The following DEPTOR variants were observed in gnomAD, a reference collection of about 807,000 sequenced individuals.
DEPTOR encodes DEP domain containing MTOR interacting protein, also known as DEP domain-containing mTOR-interacting protein.
In DEPTOR, 41 loss-of-function variants were observed where a neutral mutation model predicts 41.6. The ratio of observed to expected loss-of-function variants is 0.98; its 90% CI spans 0.77 to 1.28. DEPTOR has a LOEUF of 1.28. Ranked by LOEUF, DEPTOR falls within the 50% of genes most tolerant of loss-of-function variation. The probability of loss-of-function intolerance (pLI) is 0.00; values close to 1 mark genes in which losing one functional copy is unlikely to be tolerated. For missense variants in DEPTOR, 514 were observed against 527.9 expected (o/e 0.97, Z 0.26); for synonymous variants, 195 against 192.3 (o/e 1.01, Z -0.12).
At chr8:120,025,980 C>A (rs1313617817) in intron 8 of DEPTOR, among the ~76,000 whole-genome samples, 1 of 116,622 alleles carries the variant, frequency 8.6e-6, no homozygotes, top group African/African-American at 3.2e-5. Context: ...TCTCTTAGGA[C>A]TTTTGATTTT....
At chr8:120,017,036 G>A (rs748319189) in intron 8 of DEPTOR, among the ~76,000 whole-genome samples, 3 of 152,198 alleles carry the variant, frequency 2.0e-5, no homozygotes, top group Admixed American at 1.3e-4. Flanking sequence ...TGTTCTCAAC[G>A]GCTGTCTAAA....
intron 1 of DEPTOR, among the ~76,000 whole-genome samples, chr8:119,893,992 A>G (rs1474993363): frequency 1.3e-5 from 2 of 152,182 alleles, no homozygotes; most frequent in Non-Finnish European, 2.9e-5. Context: ...AACGGGATCT[A>G]TATACTTTTG....
intron 3 of DEPTOR, 144 bp from the exon 4 acceptor site, chr8:119,965,088 G>T: frequency 1.1e-6 from 1 of 912,646 alleles, no homozygotes; most frequent in Non-Finnish European, 1.6e-6. Context: ...AAAGAAAAAA[G>T]AAATTACATG....
intron 8 of DEPTOR, among the ~76,000 whole-genome samples, chr8:120,042,542 G>A (rs1296922251): frequency 1.3e-5 from 2 of 152,028 alleles, no homozygotes; most frequent in Non-Finnish European, 2.9e-5. Flanking sequence ...TTTTGAGACC[G>A]AGTTTTGCTC....
intron 3 of DEPTOR, among the ~76,000 whole-genome samples, chr8:119,945,614 T>C (rs922987390): frequency 6.6e-6 from 1 of 152,218 alleles, no homozygotes; most frequent in East Asian, 1.9e-4. Context: ...AATAAAAAAG[T>C]TAAATTCCTT....
chr8:119,943,869 G>A (rs911936785), intron 3 of DEPTOR, among the ~76,000 whole-genome samples: 3 of 151,922 alleles, frequency 2.0e-5, no homozygotes, highest in South Asian at 4.2e-4. Flanking sequence ...ACGGAGTCTC[G>A]TTTTGTTGCC....
At position 120,050,296 on chromosome 8, in the gene DEPTOR, T is replaced by C. The variant is rs1023730985; in HGVS notation, c.*592T>C. ...TGTCAACTTTTAAGTTAATACAGGT[T>C]TCAATTGTGGCATTAGGAAAAAAAA... On this transcript the variant is annotated 3_prime_UTR_variant, in exon 9 of 9. Coordinates refer to ENST00000286234, the MANE Select transcript of DEPTOR (RefSeq NM_022783.4). The C allele has an allele frequency of 1.3e-5, 2 of 148,710 alleles. No homozygotes were observed. The highest frequency in any genetic ancestry group is 3.0e-5 in the Non-Finnish European group (2 of 67,360). The allele number at this position is 148,710 out of a possible 1,614,324, so 9.2% of individuals were successfully genotyped here.
chr8:120,009,066 G>C lies in DEPTOR; in HGVS notation c.1034G>C (p.Arg345Pro), dbSNP rs147712866. The C allele has an allele frequency of 6.2e-7, 1 of 1,614,028 alleles. No homozygotes were observed. The change falls in exon 8 of 9, where the codon CGA becomes CCA. Residue 345 changes from arginine (R) to proline (P), a missense_variant. Transcript: ENST00000286234. The part of the protein sequence containing the change: ...GDAVGWGFVV[R>P]GSKPCHIQAV... ...GCGGTTGGCTGGGGTTTTGTGGTGC[G>C]AGGAAGTAAGCCATGCCACATCCAG...
At chr8:120,032,684 G>A (rs999288288) in intron 8 of DEPTOR, among the ~76,000 whole-genome samples, 3 of 152,134 alleles carry the variant, frequency 2.0e-5, no homozygotes, top group African/African-American at 4.8e-5. Context: ...GGGCAAAGCC[G>A]AGCTGAAATC....
Position 120,002,791 on chromosome 8 carries a change from A to AAAATATATATATATATATATATATAT in DEPTOR, c.791-185_791-184insAATATATATATATATATATATATATA. On this transcript the variant is annotated intron_variant, in intron 5 of 8. Coordinates refer to ENST00000286234, the MANE Select transcript of DEPTOR (RefSeq NM_022783.4). ...GACTCCATCTCAAAAAAAAAAAAAAAATATATATATATATATATATAATAT... is the reference window on the plus strand; with the variant it reads ...GACTCCATCTCAAAAAAAAAAAAAAAAAATATATATATATATATATATATATATATATATATATATATATATAATAT... Among the ~76,000 whole-genome samples the AAAATATATATATATATATATATATAT allele has an allele frequency of 6.6e-3, 401 of 60,312 alleles. 3 individuals carry two copies. Among genetic ancestry groups the AAAATATATATATATATATATATATAT allele is most frequent in the Non-Finnish European group, 9.7e-3 (335 of 34,534 alleles). 39.6% of individuals were successfully genotyped at this position (60,312 alleles called of 152,430 possible).
intron 1 of DEPTOR, among the ~76,000 whole-genome samples, chr8:119,913,565 C>T (rs770507160): frequency 1.3e-5 from 2 of 152,130 alleles, no homozygotes; most frequent in African/African-American, 4.8e-5. Context: ...CTGCTGTTAC[C>T]TTTTAAATGT....
chr8:120,008,886 C>T, intron 7 of DEPTOR, 143 bp from the exon 8 acceptor site: 1 of 728,710 alleles, frequency 1.4e-6, no homozygotes, highest in South Asian at 1.8e-5. Flanking sequence ...AGCAGTGTTC[C>T]AATCCCCTGG....
chr8:119,963,831 G>A (rs1828521687), intron 3 of DEPTOR, among the ~76,000 whole-genome samples: 1 of 152,138 alleles, frequency 6.6e-6, no homozygotes, highest in Non-Finnish European at 1.5e-5. Context: ...AAGCTATGTG[G>A]GTATGGGAGG....
At chr8:119,915,258 C>G (rs914417255) in intron 1 of DEPTOR, among the ~76,000 whole-genome samples, 2 of 152,178 alleles carry the variant, frequency 1.3e-5, no homozygotes, top group Non-Finnish European at 2.9e-5. Context: ...AGCCACCACG[C>G]CCAGCCTATT....
chr8:120,025,457 A>G (rs1314759912), intron 8 of DEPTOR, among the ~76,000 whole-genome samples: 2 of 152,180 alleles, frequency 1.3e-5, no homozygotes, highest in African/African-American at 2.4e-5. Context: ...AAATGATGGA[A>G]AGCCAAAATG....
At chr8:120,001,241 G>A (rs1812345480) in intron 4 of DEPTOR, among the ~76,000 whole-genome samples, 2 of 152,096 alleles carry the variant, frequency 1.3e-5, no homozygotes, top group South Asian at 4.1e-4. Flanking sequence ...GTGCTTTGGT[G>A]GAAGCAGCAC....
intron 8 of DEPTOR, among the ~76,000 whole-genome samples, chr8:120,014,354 C>T (rs535024047): frequency 2.6e-4 from 39 of 152,246 alleles, no homozygotes; most frequent in African/African-American, 9.4e-4. Context: ...GGAACTGTCT[C>T]TTCTATGTAC....
chr8:119,887,922 G>C (rs1827394338), intron 1 of DEPTOR, among the ~76,000 whole-genome samples: 1 of 129,228 alleles, frequency 7.7e-6, no homozygotes, highest in Non-Finnish European at 1.7e-5. Flanking sequence ...ACCCGCTCAA[G>C]TGAGCCCCCT....
At chr8:119,968,900 G>C (rs1247723071) in intron 4 of DEPTOR, among the ~76,000 whole-genome samples, 1 of 151,936 alleles carries the variant, frequency 6.6e-6, no homozygotes, top group African/African-American at 2.4e-5. Flanking sequence ...GGCTCAGCGA[G>C]CTGGCCAACA....
Sources: gnomAD v4.1 joint callset for allele counts (sites outside exome capture counted in the v4.1 genomes callset) on GRCh38, gnomAD v4.1.1 for gene constraint, MANE v1.5 for transcripts, NCBI Gene and HGNC (gene_info 2026-07-23, HGNC 2026-07-21) for gene names.